CPNE4: variants seen among roughly 807,000 people sequenced by gnomAD.
CPNE4 encodes copine-4.
A neutral mutation model predicts 67.9 loss-of-function variants in CPNE4; 25 were observed. The observed-to-expected ratio is 0.37, with a 90% CI of 0.27 to 0.51. The LOEUF (loss-of-function observed/expected upper bound fraction) is 0.51, where lower values mean the gene tolerates loss of function less well. Ranked by LOEUF, CPNE4 falls within the 20% of genes least tolerant of loss-of-function variation. The pLI is 0.93. For missense variants in CPNE4, 464 were observed against 690.8 expected (o/e 0.67, Z 3.68); for synonymous variants, 242 against 244.9 (o/e 0.99, Z 0.11).
At chr3:131,984,053 G>C (rs1269445363) in intron 1 of CPNE4, among the ~76,000 whole-genome samples, 1 of 152,154 alleles carries the variant, frequency 6.6e-6, no homozygotes, top group Non-Finnish European at 1.5e-5. Context: ...CCTATGTAGA[G>C]CTCAGCATCT....
Position 131,699,992 on chromosome 3 carries a change from G to T in CPNE4, c.361-12C>A. On this transcript the variant is annotated splice_polypyrimidine_tract_variant and intron_variant, in intron 3 of 15. Coordinates refer to ENST00000429747, the MANE Select transcript of CPNE4 (RefSeq NM_130808.3). ...CTCTGGGAAACAATCTGCAAAAAAG[G>T]AAACAAAAGGTAACAAAAGGTAGAG... is the stretch of plus-strand genomic sequence containing the variant. 1.9e-6 allele frequency: 3 copies of T among 1,564,440 alleles called. No homozygotes were observed. The highest frequency in any genetic ancestry group is 1.7e-6 in the Non-Finnish European group (2 of 1,148,310).
At chr3:132,021,845 G>C (rs2074003973) in intron 1 of CPNE4, among the ~76,000 whole-genome samples, 1 of 152,132 alleles carries the variant, frequency 6.6e-6, no homozygotes, top group Non-Finnish European at 1.5e-5. Context: ...CCACCTATTG[G>C]AAGTATTCAC....
chr3:131,743,912 GA>G (rs2082414488), intron 2 of CPNE4, among the ~76,000 whole-genome samples: 1 of 118,914 alleles, frequency 8.4e-6, no homozygotes, highest in African/African-American at 3.2e-5. Flanking sequence ...GCAGTGAGCC[GA>G]GATCGCGCCA....
At chr3:131,688,896 T>C (rs1245142609) in intron 5 of CPNE4, among the ~76,000 whole-genome samples, 1 of 152,236 alleles carries the variant, frequency 6.6e-6, no homozygotes, top group Non-Finnish European at 1.5e-5. Context: ...ATGATCTATG[T>C]ACAATTTAGT....
intron 2 of CPNE4, among the ~76,000 whole-genome samples, chr3:131,864,871 G>A (rs1309628258): frequency 6.6e-6 from 1 of 152,054 alleles, no homozygotes; most frequent in African/African-American, 2.4e-5. Flanking sequence ...ATTATTTTGA[G>A]ATACGTCCCA....
At chr3:131,757,763 T>C (rs2082786937) in intron 2 of CPNE4, among the ~76,000 whole-genome samples, 1 of 152,208 alleles carries the variant, frequency 6.6e-6, no homozygotes, top group South Asian at 2.1e-4. Context: ...AGTGGTTTCA[T>C]GGGCTGAGCC....
rs78920568 is a variant in CPNE4 at position 131,620,769 on chromosome 3, A to G, written c.682-33187T>C. On this transcript the variant is annotated intron_variant, in intron 7 of 15. Coordinates refer to ENST00000429747, the MANE Select transcript of CPNE4 (RefSeq NM_130808.3). Reference sequence around the variant, plus strand: ...CTAGAAGGGGGTCACAGGCTAAGAAACGCAGGTAGCCTCTAGCAGCTGGAA... The same window carrying G: ...CTAGAAGGGGGTCACAGGCTAAGAAGCGCAGGTAGCCTCTAGCAGCTGGAA... Among the ~76,000 whole-genome samples the G allele has an allele frequency of 1.6e-3, 249 of 152,218 alleles. 5 individuals carry two copies. The East Asian group carries it at 0.046, about 28-fold the overall frequency.
chr3:131,698,067 TA>T (rs370035531), intron 4 of CPNE4, among the ~76,000 whole-genome samples: 1 of 150,814 alleles, frequency 6.6e-6, no homozygotes. Context: ...CCATCTGTAC[TA>T]AAAAAATACA....
At chr3:131,799,099 A>G (rs1310714751) in intron 2 of CPNE4, among the ~76,000 whole-genome samples, 1 of 152,112 alleles carries the variant, frequency 6.6e-6, no homozygotes, top group East Asian at 1.9e-4. Flanking sequence ...AGTTTTGAAA[A>G]CTGGCTCCGA....
intron 1 of CPNE4, among the ~76,000 whole-genome samples, chr3:131,961,449 A>G (rs1164256310): frequency 6.6e-6 from 1 of 152,180 alleles, no homozygotes; most frequent in African/African-American, 2.4e-5. Flanking sequence ...TGTTCAACAA[A>G]TAAGCATCAT....
chr3:131,983,896 A>C (rs557097994), intron 1 of CPNE4, among the ~76,000 whole-genome samples: 9 of 152,212 alleles, frequency 5.9e-5, no homozygotes, highest in Non-Finnish European at 1.3e-4. Context: ...CAAGAGAGTC[A>C]CTGTGTCTTC....
intron 2 of CPNE4, among the ~76,000 whole-genome samples, chr3:131,744,901 A>G (rs1457238766): frequency 2.6e-5 from 4 of 152,186 alleles, no homozygotes; most frequent in African/African-American, 4.8e-5. Context: ...ACATTTGTCT[A>G]CAGATTTTCT....
intron 8 of CPNE4, among the ~76,000 whole-genome samples, chr3:131,583,595 C>T (rs1937981809): frequency 6.6e-6 from 1 of 152,146 alleles, no homozygotes; most frequent in Non-Finnish European, 1.5e-5. Context: ...GAAAAGTCTA[C>T]TCACTTCCTT....
chr3:131,924,411 C>A (rs1213388819), intron 1 of CPNE4, among the ~76,000 whole-genome samples: 4 of 152,002 alleles, frequency 2.6e-5, no homozygotes, highest in African/African-American at 9.7e-5. Context: ...TAATGTAAAT[C>A]ACAAAAATTA....
intron 6 of CPNE4, among the ~76,000 whole-genome samples, chr3:131,683,623 C>G (rs1045791514): frequency 1.3e-5 from 2 of 152,052 alleles, no homozygotes; most frequent in African/African-American, 4.8e-5. Context: ...GTGCATGCAC[C>G]TGAGGGGTGG....
At chr3:131,581,784 A>T (rs1937853589) in intron 8 of CPNE4, 119 bp from the exon 9 acceptor site, 2 of 716,946 alleles carry the variant, frequency 2.8e-6, no homozygotes, top group Non-Finnish European at 5.0e-6. Flanking sequence ...AATAGTCTCT[A>T]GGTGGTAACT....
At chr3:131,788,147 A>T (rs2107871563) in intron 2 of CPNE4, among the ~76,000 whole-genome samples, 1 of 152,242 alleles carries the variant, frequency 6.6e-6, no homozygotes. Context: ...CATAGTTTTC[A>T]GACATAATTT....
chr3:131,751,783 G>C (rs76415461), intron 2 of CPNE4, among the ~76,000 whole-genome samples: 9 of 94,558 alleles, frequency 9.5e-5, no homozygotes, highest in African/African-American at 2.5e-4. Flanking sequence ...TTGTTTTTTT[G>C]TTTGTTTGTT....
rs189016476 is a variant in CPNE4 at position 131,727,025 on chromosome 3, G to A, written c.181-3400C>T. 1.4e-4 allele frequency among the ~76,000 whole-genome samples: 21 copies of A among 152,302 alleles called. No homozygotes were observed. The East Asian group carries it at 4.0e-3, about 29-fold the overall frequency. On this transcript the variant is annotated intron_variant, in intron 2 of 15. Transcript: ENST00000429747. ...AATTCACATTGCTTTATTGTTTACA[G>A]AACATGCTCACATCCATTTTTAAAA...
Sources: allele counts gnomAD v4.1 joint callset (sites outside exome capture counted in the v4.1 genomes callset), GRCh38; gene constraint gnomAD v4.1.1; transcripts MANE v1.5; gene names NCBI Gene and HGNC (gene_info 2026-07-23, HGNC 2026-07-21).